Variants in CCDC102B observed in about 807,000 individuals in gnomAD.
The protein encoded by CCDC102B is coiled-coil domain-containing protein 102B.
A neutral mutation model predicts 57.4 loss-of-function variants in CCDC102B; 75 were observed. The observed-to-expected ratio is 1.31, with a 90% CI of 1.08 to 1.58. The LOEUF (loss-of-function observed/expected upper bound fraction) is 1.58, where lower values mean the gene tolerates loss of function less well. Among genes scored for constraint, CCDC102B ranks in the 40% most tolerant of loss-of-function variants. The probability of loss-of-function intolerance (pLI) is 0.00; values close to 1 mark genes in which losing one functional copy is unlikely to be tolerated. For missense variants in CCDC102B, 636 were observed against 582.6 expected, an observed-to-expected ratio of 1.09 and a Z score of -0.94; for synonymous variants, 206 against 201.9, an observed-to-expected ratio of 1.02 and a Z score of -0.17.
chr18:68,809,624 G>A (rs1439675481), intron 1 of CCDC102B, among the ~76,000 whole-genome samples: 3 of 152,084 alleles, frequency 2.0e-5, no homozygotes, highest in Non-Finnish European at 4.4e-5. Flanking sequence ...TCATTTCCAT[G>A]AGTCAGATTT....
intron 2 of CCDC102B, among the ~76,000 whole-genome samples, chr18:68,764,143 A>G (rs2144594936): frequency 6.6e-6 from 1 of 151,786 alleles, no homozygotes; most frequent in African/African-American, 2.4e-5. Context: ...GATTCACTAC[A>G]CTCTTGCCTC....
intron 2 of CCDC102B, among the ~76,000 whole-genome samples, chr18:68,748,995 G>C (rs2033738884): frequency 6.6e-6 from 1 of 152,124 alleles, no homozygotes; most frequent in Admixed American, 6.5e-5. Context: ...TCTACATATG[G>C]CTAGCCAGTT....
intron 2 of CCDC102B, among the ~76,000 whole-genome samples, chr18:68,777,742 C>A (rs970500712): frequency 2.6e-5 from 4 of 151,926 alleles, no homozygotes; most frequent in African/African-American, 9.7e-5. Context: ...AAGAGTAACT[C>A]GAAGAGAGTC....
intron 6 of CCDC102B, among the ~76,000 whole-genome samples, chr18:68,921,707 C>G (rs963113937): frequency 2.0e-5 from 3 of 152,086 alleles, no homozygotes; most frequent in African/African-American, 7.2e-5. Context: ...TGCTTGACAG[C>G]CAGCAAAGAA....
chr18:68,758,228 A>G (rs2034124327), intron 2 of CCDC102B, among the ~76,000 whole-genome samples: 1 of 151,680 alleles, frequency 6.6e-6, no homozygotes, highest in South Asian at 2.1e-4. Flanking sequence ...TGTATTACAT[A>G]TGTATATATG....
At chr18:68,904,930 G>C (rs1406998551) in intron 6 of CCDC102B, among the ~76,000 whole-genome samples, 1 of 152,044 alleles carries the variant, frequency 6.6e-6, no homozygotes, top group Non-Finnish European at 1.5e-5. Context: ...TTAAATCTCA[G>C]TCCCTACTAA....
intron 6 of CCDC102B, among the ~76,000 whole-genome samples, chr18:68,923,407 C>T (rs898535020): frequency 2.3e-4 from 35 of 151,592 alleles, no homozygotes; most frequent in African/African-American, 7.5e-4. Flanking sequence ...GTGTATGACA[C>T]CAACATAATT....
intron 5 of CCDC102B, 40 bp from the exon 6 acceptor site, chr18:68,897,178 GC>G: frequency 6.5e-7 from 1 of 1,533,484 alleles, no homozygotes; most frequent in South Asian, 1.2e-5. Flanking sequence ...TTTGGCAATT[GC>G]AAATGCTGCA....
chr18:69,054,645 T>TAAG lies in CCDC102B; in HGVS notation c.*509_*511dup. 1.0e-6 allele frequency: 1 copy of TAAG among 981,106 alleles called. No homozygotes were observed. The allele number at this position is 981,106 out of a possible 1,614,324, so 60.8% of individuals were successfully genotyped here. ...ACAATACATTTCTTATATAATTTTA[T>TAAG]AAGTCATTTCTAATCTTTGTATAAA... is the stretch of plus-strand genomic sequence containing the variant. On this transcript the variant is annotated 3_prime_UTR_variant, in exon 8 of 8. Coordinates refer to ENST00000360242, the MANE Select transcript of CCDC102B (RefSeq NM_024781.3).
intron 6 of CCDC102B, among the ~76,000 whole-genome samples, chr18:68,982,937 C>G (rs1196666671): frequency 6.6e-6 from 1 of 151,764 alleles, no homozygotes; most frequent in Non-Finnish European, 1.5e-5. Context: ...CATCACTATT[C>G]TGTGAAGAGA....
chr18:68,805,586 T>G (rs943505207), intron 1 of CCDC102B, among the ~76,000 whole-genome samples: 1 of 152,044 alleles, frequency 6.6e-6, no homozygotes, highest in Non-Finnish European at 1.5e-5. Context: ...ATACAGTCCA[T>G]TGACAGGAGG....
intron 2 of CCDC102B, among the ~76,000 whole-genome samples, chr18:68,735,786 C>T (rs1393363001): frequency 6.6e-6 from 1 of 152,178 alleles, no homozygotes; most frequent in Non-Finnish European, 1.5e-5. Flanking sequence ...CCAGTATAAA[C>T]TAACCAATTA....
At chr18:68,834,691 C>T (rs2037291332) in intron 1 of CCDC102B, among the ~76,000 whole-genome samples, 1 of 151,512 alleles carries the variant, frequency 6.6e-6, no homozygotes, top group African/African-American at 2.4e-5. Flanking sequence ...GGTTTGACAT[C>T]TCTATATAAC....
intron 6 of CCDC102B, among the ~76,000 whole-genome samples, chr18:68,975,280 G>A (rs896137138): frequency 2.6e-5 from 4 of 151,870 alleles, no homozygotes; most frequent in Middle Eastern, 3.4e-3. Context: ...TTTATGCTAT[G>A]AACATTTCAT....
chr18:68,922,294 C>T (rs2041309716), intron 6 of CCDC102B, among the ~76,000 whole-genome samples: 1 of 152,158 alleles, frequency 6.6e-6, no homozygotes, highest in Admixed American at 6.5e-5. Flanking sequence ...TTAATTGCAA[C>T]TCATACAAGA....
intron 6 of CCDC102B, among the ~76,000 whole-genome samples, chr18:68,921,356 C>G (rs1191328890): frequency 1.3e-5 from 2 of 152,092 alleles, no homozygotes; most frequent in African/African-American, 4.8e-5. Flanking sequence ...CAAGCTCTCT[C>G]TCTTTGCCTG....
intron 2 of CCDC102B, among the ~76,000 whole-genome samples, chr18:68,723,268 A>G (rs1353834729): frequency 3.9e-5 from 6 of 152,190 alleles, no homozygotes; most frequent in African/African-American, 7.2e-5. Context: ...TTACAATTCA[A>G]GATGAGATTT....
intron 6 of CCDC102B, among the ~76,000 whole-genome samples, chr18:68,961,893 G>T (rs1642164829): frequency 6.6e-6 from 1 of 152,024 alleles, no homozygotes. Context: ...TTTATCCTCT[G>T]TGGGACTCTG....
intron 4 of CCDC102B, among the ~76,000 whole-genome samples, chr18:68,867,220 G>A (rs897843488): frequency 6.6e-6 from 1 of 152,184 alleles, no homozygotes; most frequent in Middle Eastern, 3.2e-3. Flanking sequence ...TCGATTGCCT[G>A]ACCTCGTGAT....
Sources: allele counts gnomAD v4.1 joint callset (sites outside exome capture counted in the v4.1 genomes callset), GRCh38; gene constraint gnomAD v4.1.1; transcripts MANE v1.5; gene names NCBI Gene and HGNC (gene_info 2026-07-23, HGNC 2026-07-21).